Variants in GPC6 observed in about 807,000 individuals in gnomAD.
GPC6 encodes glypican-6.
A neutral mutation model predicts 55.2 loss-of-function variants in GPC6; 14 were observed. The observed-to-expected ratio is 0.25, with a 90% CI of 0.17 to 0.40. GPC6 has a LOEUF of 0.40. Ranked by LOEUF, GPC6 falls within the 10% of genes least tolerant of loss-of-function variation. GPC6 has a pLI of 1.00. For synonymous variants in GPC6, 278 were observed against 259.6 expected, an observed-to-expected ratio of 1.07 and a Z score of -0.68; for missense variants, 641 against 708.5, an observed-to-expected ratio of 0.90 and a Z score of 1.08.
chr13:93,570,409 A>G (rs1480356062), intron 2 of GPC6, among the ~76,000 whole-genome samples: 1 of 152,156 alleles, frequency 6.6e-6, no homozygotes, highest in Admixed American at 6.6e-5. Context: ...TACATGGGAA[A>G]ACACCAGCAT....
At position 93,793,879 on chromosome 13, in the gene GPC6, G is replaced by A. The variant is rs186436292; in HGVS notation, c.320-36275G>A. Among the ~76,000 whole-genome samples, 51 of 152,204 alleles carry A rather than the reference G, an allele frequency of 3.4e-4. 1 individual carries two copies. In the East Asian group the frequency reaches 5.2e-3, roughly 16 times the overall value. On this transcript the variant is annotated intron_variant, in intron 2 of 8. Transcript: ENST00000377047. ...TGCTAGGAAATTTTCAACATTTGTC[G>A]TTTATTCTCAGTTTAAGTCAGTATG... is the stretch of plus-strand genomic sequence containing the variant.
At chr13:94,159,694 T>C (rs1462343768) in intron 4 of GPC6, among the ~76,000 whole-genome samples, 5 of 152,166 alleles carry the variant, frequency 3.3e-5, no homozygotes, top group Non-Finnish European at 5.9e-5. Flanking sequence ...TGAAGCTCCA[T>C]TATGGAAGCG....
intron 5 of GPC6, among the ~76,000 whole-genome samples, chr13:94,296,023 G>C (rs1275617658): frequency 1.3e-5 from 2 of 151,708 alleles, no homozygotes; most frequent in East Asian, 3.9e-4. Context: ...ACATAAAATT[G>C]GGGTTTGTTC....
chr13:94,251,287 A>AC (rs1032520782), intron 4 of GPC6, among the ~76,000 whole-genome samples: 1 of 143,568 alleles, frequency 7.0e-6, no homozygotes, highest in Non-Finnish European at 1.5e-5. Context: ...GGAAACACAC[A>AC]CCAGGGCCAG....
chr13:94,135,229 C>T (rs1055277301), intron 4 of GPC6, among the ~76,000 whole-genome samples: 9 of 142,144 alleles, frequency 6.3e-5, no homozygotes, highest in Non-Finnish European at 9.0e-5. Flanking sequence ...TACAGATTAG[C>T]TTTATCTAAT....
At chr13:94,270,535 T>C (rs1488729343) in intron 4 of GPC6, among the ~76,000 whole-genome samples, 1 of 152,240 alleles carries the variant, frequency 6.6e-6, no homozygotes, top group Non-Finnish European at 1.5e-5. Context: ...TGAAAGGAAG[T>C]ATCACAAAAT....
intron 1 of GPC6, among the ~76,000 whole-genome samples, chr13:93,272,878 G>A (rs1877584813): frequency 6.6e-6 from 1 of 152,128 alleles, no homozygotes; most frequent in Non-Finnish European, 1.5e-5. Flanking sequence ...CCCAGCTGCG[G>A]AAACAGAATT....
rs1566540506 is a variant in GPC6, at chr13:93,249,187, C to T, written c.160+21571C>T. Among the ~76,000 whole-genome samples, 5 of 152,182 alleles carry T rather than the reference C, an allele frequency of 3.3e-5. No homozygotes were observed. The South Asian group carries it at 1.0e-3, about 32-fold the overall frequency. ...GTCCTATATTACCACCCATCAGGAA[C>T]TGAGATCACTGAGGACGTATTTTCA... On this transcript the variant is annotated intron_variant, in intron 1 of 8. Coordinates refer to ENST00000377047, the MANE Select transcript of GPC6 (RefSeq NM_005708.5).
intron 2 of GPC6, among the ~76,000 whole-genome samples, chr13:93,690,200 T>C (rs1001693610): frequency 2.0e-5 from 3 of 152,118 alleles, no homozygotes; most frequent in Admixed American, 6.6e-5. Flanking sequence ...TGGGTTAAGC[T>C]GAAGTCAATT....
chr13:93,345,609 G>A (rs975944611), intron 1 of GPC6, among the ~76,000 whole-genome samples: 5 of 152,118 alleles, frequency 3.3e-5, no homozygotes, highest in Admixed American at 3.3e-4. Context: ...GAAAGAAAAG[G>A]AACAGAGTCA....
intron 1 of GPC6, among the ~76,000 whole-genome samples, chr13:93,364,508 G>C (rs1336591378): frequency 6.6e-6 from 1 of 151,962 alleles, no homozygotes; most frequent in Non-Finnish European, 1.5e-5. Context: ...ATATGTTGCT[G>C]TGGTGTGTCA....
chr13:94,200,698 T>C (rs1380654198), intron 4 of GPC6, among the ~76,000 whole-genome samples: 2 of 152,224 alleles, frequency 1.3e-5, no homozygotes, highest in African/African-American at 2.4e-5. Flanking sequence ...ACTCAATAGA[T>C]GTTTGAGTTG....
chr13:94,369,200 C>CTATGAAAG (rs1879417449), intron 6 of GPC6, among the ~76,000 whole-genome samples: 3 of 152,228 alleles, frequency 2.0e-5, no homozygotes, highest in African/African-American at 7.2e-5. Context: ...GAAATGGACA[C>CTATGAAAG]ATTGGAATCT....
At chr13:93,739,598 T>A (rs1487850303) in intron 2 of GPC6, among the ~76,000 whole-genome samples, 2 of 151,980 alleles carry the variant, frequency 1.3e-5, no homozygotes, top group African/African-American at 4.8e-5. Flanking sequence ...CCTGGCTAAT[T>A]TTTTGTATTT....
chr13:94,127,348 G>A (rs1220362279), intron 4 of GPC6, among the ~76,000 whole-genome samples: 1 of 151,996 alleles, frequency 6.6e-6, no homozygotes, highest in African/African-American at 2.4e-5. Flanking sequence ...TTGTGATAGT[G>A]AGTTTTTGTG....
At chr13:94,245,214 A>G (rs1202670261) in intron 4 of GPC6, among the ~76,000 whole-genome samples, 1 of 151,578 alleles carries the variant, frequency 6.6e-6, no homozygotes, top group African/African-American at 2.4e-5. Context: ...TTTATTCTCT[A>G]TCTCTATATA....
In GPC6 at chr13:94,289,288, T is replaced by C. The variant is rs368140926; in HGVS notation, c.1008+2809T>C. ...GAAACCACTTCTGTAATAGTTACAC[T>C]GTTTGTCCTCAACCAGTTTGTCTTG... On this transcript the variant is annotated intron_variant, in intron 5 of 8. Coordinates refer to ENST00000377047, the MANE Select transcript of GPC6 (RefSeq NM_005708.5). Among the ~76,000 whole-genome samples, 10 of 152,264 alleles carry C rather than the reference T, an allele frequency of 6.6e-5. No homozygotes were observed. The East Asian group carries it at 1.5e-3, about 24-fold the overall frequency.
At chr13:94,396,695 G>A (rs1160821621) in intron 7 of GPC6, among the ~76,000 whole-genome samples, 4 of 152,214 alleles carry the variant, frequency 2.6e-5, no homozygotes, top group African/African-American at 9.6e-5. Context: ...AGGAAGGCAT[G>A]GGATGGCTAC....
chr13:94,057,265 CTT>C (rs1238988792), intron 4 of GPC6, among the ~76,000 whole-genome samples: 5 of 152,164 alleles, frequency 3.3e-5, no homozygotes, highest in Non-Finnish European at 7.3e-5. Context: ...CCTACTGTTG[CTT>C]ACAAGTGTAA....
Sources: allele counts gnomAD v4.1 joint callset (sites outside exome capture counted in the v4.1 genomes callset), GRCh38; gene constraint gnomAD v4.1.1; transcripts MANE v1.5; gene names NCBI Gene and HGNC (gene_info 2026-07-23, HGNC 2026-07-21).